Variants in CFAP210 observed in about 807,000 individuals in gnomAD.
CFAP210 encodes cilia and flagella associated protein 210, also known as cilia- and flagella- associated protein 210.
At chr2:169,646,949 T>G in the CFAP210 span, among the ~76,000 whole-genome samples, 1 of 152,174 alleles carries the variant, frequency 6.6e-6, no homozygotes, top group African/African-American at 2.4e-5. Context: ...AGGAATATAT[T>G]TAATATTCAT....
At chr2:169,679,401 T>C in the CFAP210 span, among the ~76,000 whole-genome samples, 1 of 152,054 alleles carries the variant, frequency 6.6e-6, no homozygotes, top group Non-Finnish European at 1.5e-5. Context: ...CAGTGTCGGC[T>C]GGGCGCAGTG....
At chr2:169,656,467 G>C in the CFAP210 span, among the ~76,000 whole-genome samples, 27 of 150,786 alleles carry the variant, frequency 1.8e-4, no homozygotes, top group East Asian at 5.2e-3. Flanking sequence ...AGAGAAGGAG[G>C]AGGAGGAGAA....
the CFAP210 span, chr2:169,694,236 C>G: frequency 6.2e-7 from 1 of 1,610,516 alleles, no homozygotes; most frequent in Non-Finnish European, 8.5e-7. Flanking sequence ...CAATCCCTGT[C>G]CCTGGATAGG....
At chr2:169,684,200 C>G in the CFAP210 span, among the ~76,000 whole-genome samples, 2 of 152,050 alleles carry the variant, frequency 1.3e-5, no homozygotes, top group African/African-American at 4.8e-5. Flanking sequence ...AATAGGCAGA[C>G]TCGCAAGCAG....
the CFAP210 span, among the ~76,000 whole-genome samples, chr2:169,651,521 A>G: frequency 6.6e-6 from 1 of 151,746 alleles, no homozygotes; most frequent in Non-Finnish European, 1.5e-5. Context: ...CAGCCCAGCT[A>G]GTTTTTTTAT....
At chr2:169,650,595 G>T in the CFAP210 span, 1 of 1,343,678 alleles carries the variant, frequency 7.4e-7, no homozygotes, top group East Asian at 2.8e-5. Flanking sequence ...TTTAATTAGG[G>T]AATCTGAGAT....
chr2:169,651,339 G>A, the CFAP210 span, among the ~76,000 whole-genome samples: 1 of 151,752 alleles, frequency 6.6e-6, no homozygotes, highest in South Asian at 2.1e-4. Context: ...AGGTGGCAGT[G>A]AGCTATGTAC....
At chr2:169,678,398 G>A in the CFAP210 span, among the ~76,000 whole-genome samples, 2 of 145,462 alleles carry the variant, frequency 1.4e-5, no homozygotes, top group African/African-American at 5.1e-5. Context: ...TAAACAAATA[G>A]AGAGAATATG....
chr2:169,654,989 T>G, the CFAP210 span, among the ~76,000 whole-genome samples: 1 of 152,154 alleles, frequency 6.6e-6, no homozygotes, highest in African/African-American at 2.4e-5. Context: ...AAAACAGATA[T>G]GTATTCTAAC....
At chr2:169,678,750 G>A in the CFAP210 span, among the ~76,000 whole-genome samples, 14 of 151,618 alleles carry the variant, frequency 9.2e-5, no homozygotes, top group African/African-American at 3.4e-4. Context: ...GCTTGAACCC[G>A]GGAGGTGGAG....
chr2:169,693,340 A>G, the CFAP210 span, among the ~76,000 whole-genome samples: 89 of 152,368 alleles, frequency 5.8e-4, no homozygotes, highest in East Asian at 0.015. Flanking sequence ...TATGCAGGAA[A>G]GTGAATGTGT....
At chr2:169,649,390 CA>C in the CFAP210 span, 3 of 1,543,682 alleles carry the variant, frequency 1.9e-6, no homozygotes, top group African/African-American at 1.4e-5. Flanking sequence ...CCAGTTATAG[CA>C]ACCAGTCTTG....
At chr2:169,650,936 C>T in the CFAP210 span, among the ~76,000 whole-genome samples, 7 of 151,758 alleles carry the variant, frequency 4.6e-5, no homozygotes, top group Admixed American at 1.3e-4. Flanking sequence ...CCCATCTCCA[C>T]AAATTTTTTA....
At chr2:169,646,711 G>T in the CFAP210 span, among the ~76,000 whole-genome samples, 2 of 152,166 alleles carry the variant, frequency 1.3e-5, no homozygotes, top group African/African-American at 2.4e-5. Context: ...TATCAATGTA[G>T]GTTGAGAAGG....
chr2:169,690,994 T>C, the CFAP210 span, among the ~76,000 whole-genome samples: 5,396 of 152,286 alleles, frequency 0.035, 345 homozygotes, highest in African/African-American at 0.12. Context: ...TCTACCCCTT[T>C]CTCTGCTCTT....
At chr2:169,690,023 G>C in the CFAP210 span, among the ~76,000 whole-genome samples, 4 of 151,706 alleles carry the variant, frequency 2.6e-5, no homozygotes, top group African/African-American at 7.3e-5. Context: ...TTTGAGATGG[G>C]GTCTTACTAT....
chr2:169,657,538 C>A, the CFAP210 span, among the ~76,000 whole-genome samples: 1 of 152,046 alleles, frequency 6.6e-6, no homozygotes, highest in East Asian at 1.9e-4. Context: ...GTCAACATGG[C>A]GAAACCCTGT....
chr2:169,680,346 G>T, the CFAP210 span, among the ~76,000 whole-genome samples: 11 of 152,186 alleles, frequency 7.2e-5, no homozygotes, highest in African/African-American at 2.7e-4. Flanking sequence ...CAGTTTGGAA[G>T]TTTCTTACAA....
chr2:169,646,611 A>G, the CFAP210 span, among the ~76,000 whole-genome samples: 12 of 152,208 alleles, frequency 7.9e-5, no homozygotes, highest in African/African-American at 2.9e-4. Flanking sequence ...CCCCAGCCAC[A>G]TAAGATTAAA....
Sources: gnomAD v4.1 joint callset for allele counts (sites outside exome capture counted in the v4.1 genomes callset) on GRCh38, gnomAD v4.1.1 for gene constraint, MANE v1.5 for transcripts, NCBI Gene and HGNC (gene_info 2026-07-23, HGNC 2026-07-21) for gene names.